The following AKAP19 variants were observed in gnomAD, a reference collection of about 807,000 sequenced individuals.
The protein encoded by AKAP19 is small A-kinase anchoring protein.
At chr2:190,038,944 T>C in the AKAP19 span, among the ~76,000 whole-genome samples, 508 of 145,118 alleles carry the variant, frequency 3.5e-3, 9 homozygotes, top group African/African-American at 0.013. Flanking sequence ...CTTCTTCTTC[T>C]TCTTCTTCTT....
the AKAP19 span, among the ~76,000 whole-genome samples, chr2:190,035,245 A>G: frequency 2.7e-4 from 41 of 152,210 alleles, no homozygotes; most frequent in East Asian, 6.6e-3. Flanking sequence ...AGCCTGGCCA[A>G]CACAGTGAAA....
the AKAP19 span, among the ~76,000 whole-genome samples, chr2:190,012,166 T>C: frequency 7.9e-5 from 12 of 152,250 alleles, no homozygotes; most frequent in Admixed American, 5.9e-4. Flanking sequence ...GATCTGGCTT[T>C]ATTGCTGGAG....
chr2:189,886,950 G>A, the AKAP19 span, among the ~76,000 whole-genome samples: 1 of 151,952 alleles, frequency 6.6e-6, no homozygotes, highest in Non-Finnish European at 1.5e-5. Flanking sequence ...ACAAAGATTA[G>A]TGGAGATGAA....
the AKAP19 span, among the ~76,000 whole-genome samples, chr2:189,920,525 T>C: frequency 6.6e-6 from 1 of 152,240 alleles, no homozygotes; most frequent in Non-Finnish European, 1.5e-5. Context: ...TAAAATGTAG[T>C]GTTCTATTCC....
chr2:189,984,346 C>T, the AKAP19 span, among the ~76,000 whole-genome samples: 1 of 152,122 alleles, frequency 6.6e-6, no homozygotes, highest in Non-Finnish European at 1.5e-5. Context: ...ACGTTCCATG[C>T]CGAGAAAAAG....
chr2:190,176,394 C>A, the AKAP19 span, among the ~76,000 whole-genome samples: 40 of 152,306 alleles, frequency 2.6e-4, no homozygotes, highest in African/African-American at 9.6e-4. The surrounding 1 kb of genome is among the most constrained non-coding windows in gnomAD (Gnocchi z 4.7). Context: ...GTCACCCGGG[C>A]TGGAGTGCAA....
the AKAP19 span, among the ~76,000 whole-genome samples, chr2:190,100,876 T>C: frequency 1.3e-5 from 2 of 152,090 alleles, no homozygotes; most frequent in Non-Finnish European, 1.5e-5. Context: ...GTCCAGCTGA[T>C]AAAAGTGAGT....
At chr2:190,158,965 A>G in the AKAP19 span, among the ~76,000 whole-genome samples, 1 of 152,210 alleles carries the variant, frequency 6.6e-6, no homozygotes, top group East Asian at 1.9e-4. Context: ...CTTCTAAGAC[A>G]GGATGAGGAT....
At chr2:190,189,431 T>C in the AKAP19 span, among the ~76,000 whole-genome samples, 1 of 152,156 alleles carries the variant, frequency 6.6e-6, no homozygotes, top group Non-Finnish European at 1.5e-5. Context: ...TTTCATCTAT[T>C]AGATGGGAAG....
chr2:189,883,538 G>A, the AKAP19 span, among the ~76,000 whole-genome samples: 7 of 145,456 alleles, frequency 4.8e-5, no homozygotes, highest in Non-Finnish European at 8.9e-5. Context: ...GTGTCAGCAG[G>A]ATTTGGAACA....
the AKAP19 span, among the ~76,000 whole-genome samples, chr2:190,074,567 C>CT: frequency 6.6e-6 from 1 of 151,906 alleles, no homozygotes; most frequent in Non-Finnish European, 1.5e-5. Flanking sequence ...AGGAGATTCG[C>CT]TTAAACCCGG....
At chr2:189,918,792 T>C in the AKAP19 span, among the ~76,000 whole-genome samples, 1 of 152,200 alleles carries the variant, frequency 6.6e-6, no homozygotes, top group Admixed American at 6.5e-5. Flanking sequence ...AAATGTAGTA[T>C]ATCTATAAAA....
chr2:189,906,854 A>G, the AKAP19 span, among the ~76,000 whole-genome samples: 41 of 152,344 alleles, frequency 2.7e-4, 1 homozygote, highest in East Asian at 5.2e-3. Context: ...GCTACCTCTT[A>G]TGAGAATTTT....
chr2:190,192,452 C>CTGTGTGTGTGTGTGTGTGTGTGTGTG, the AKAP19 span, among the ~76,000 whole-genome samples: 74 of 145,356 alleles, frequency 5.1e-4, no homozygotes, highest in African/African-American at 1.8e-3. Flanking sequence ...AATTCAGAAT[C>CTGTGTGTGTGTGTGTGTGTGTGTGTG]TGTGTGTGTG....
chr2:189,975,857 C>T, the AKAP19 span, among the ~76,000 whole-genome samples: 1 of 152,140 alleles, frequency 6.6e-6, no homozygotes, highest in African/African-American at 2.4e-5. Context: ...GACTTCTGTA[C>T]ACTGGTTATT....
the AKAP19 span, among the ~76,000 whole-genome samples, chr2:190,003,873 A>C: frequency 6.6e-6 from 1 of 151,298 alleles, no homozygotes; most frequent in Non-Finnish European, 1.5e-5. Flanking sequence ...TATAAAGAGA[A>C]AAAAAAAAGT....
chr2:189,970,191 A>G, the AKAP19 span, among the ~76,000 whole-genome samples: 1 of 151,958 alleles, frequency 6.6e-6, no homozygotes, highest in African/African-American at 2.4e-5. Context: ...TTCTATAGAC[A>G]TATGTAGTAT....
the AKAP19 span, among the ~76,000 whole-genome samples, chr2:189,883,208 C>T: frequency 1.3e-5 from 2 of 152,136 alleles, no homozygotes; most frequent in African/African-American, 4.8e-5. Flanking sequence ...ATTTTCACTT[C>T]TAGTAAGTTT....
At chr2:190,063,531 A>AT in the AKAP19 span, among the ~76,000 whole-genome samples, 3 of 152,172 alleles carry the variant, frequency 2.0e-5, no homozygotes, top group Non-Finnish European at 4.4e-5. Context: ...AATGAATTTT[A>AT]TAACTGGCAT....
Sources: gnomAD v4.1 joint callset for allele counts (sites outside exome capture counted in the v4.1 genomes callset) on GRCh38, gnomAD v4.1.1 for gene constraint, Gnocchi (gnomAD v3.1) non-coding constraint, MANE v1.5 for transcripts, NCBI Gene and HGNC (gene_info 2026-07-23, HGNC 2026-07-21) for gene names.